The following TPX2 variants were observed in gnomAD, a reference collection of about 807,000 sequenced individuals.
TPX2 encodes TPX2 microtubule nucleation factor.
Under a neutral mutation model 93.6 loss-of-function variants are expected in TPX2, and 21 were observed. That is an observed-to-expected ratio of 0.22 (90% CI 0.16 to 0.32). TPX2 has a LOEUF of 0.32. TPX2 is among the 10% of genes least tolerant of loss of function. TPX2 has a pLI of 1.00. For missense variants in TPX2, 776 were observed against 871.1 expected, an observed-to-expected ratio of 0.89 and a Z score of 1.37; for synonymous variants, 281 against 298.3, an observed-to-expected ratio of 0.94 and a Z score of 0.60.
At chr20:31,761,744 G>A (rs899050119) in intron 4 of TPX2, among the ~76,000 whole-genome samples, 1 of 152,144 alleles carries the variant, frequency 6.6e-6, no homozygotes, top group African/African-American at 2.4e-5. Flanking sequence ...TCGATGTACT[G>A]ATTTCCTTCT....
Position 31,793,849 on chromosome 20 carries a change from A to G in TPX2, c.1511A>G (p.Glu504Gly). 6.4e-7 allele frequency: 1 copy of G among 1,572,692 alleles called. No homozygotes were observed. Among genetic ancestry groups the G allele is most frequent in the Non-Finnish European group, 8.6e-7 (1 of 1,161,180 alleles). Residue 504 changes from glutamate (E) to glycine (G), a missense_variant and splice_region_variant, in exon 14 of 18, where the codon GAA becomes GGA. Glu to Gly is a moderately conservative substitution (Grantham distance 98, BLOSUM62 -2). Coordinates refer to ENST00000300403, the MANE Select transcript of TPX2 (RefSeq NM_012112.5). Reference sequence around the variant, plus strand: ...TCTAAACTGCAATTTTTTCCCTAGGAAGAGGACGAACCGGTAGTGATAAAA... The same window carrying G: ...TCTAAACTGCAATTTTTTCCCTAGGGAGAGGACGAACCGGTAGTGATAAAA... ...RIRMPTKEDE[E>G]EDEPVVIKAQ... is the part of the protein sequence containing the mutation.
At position 31,801,495 on chromosome 20, in the gene TPX2, GAT is replaced by G. The variant is rs1414985604; in HGVS notation, c.*417_*418del. ...GAAAATAAAGATAGTTAAATCCTAA[GAT>G]AGAGATTAAGTCATGGTTTAAATGA... On this transcript the variant is annotated 3_prime_UTR_variant, in exon 18 of 18. Coordinates refer to ENST00000300403, the MANE Select transcript of TPX2 (RefSeq NM_012112.5). 6.4e-6 allele frequency: 1 copy of G among 156,532 alleles called. No individual in the cohort carries two copies. Among genetic ancestry groups the G allele is most frequent in the African/African-American group, 2.4e-5 (1 of 41,474 alleles). The allele number at this position is 156,532 out of a possible 1,614,324, so 9.7% of individuals were successfully genotyped here. A position where few individuals can be genotyped will look rare whatever the true frequency, so the allele number is the denominator to read the frequency against.
intron 10 of TPX2, 84 bp from the exon 11 acceptor site, chr20:31,782,165 C>T: frequency 6.6e-7 from 1 of 1,512,284 alleles, no homozygotes; most frequent in Non-Finnish European, 8.9e-7. Flanking sequence ...GTTTATCCCT[C>T]TCTGGGCTAC....
chr20:31,765,913 C>T (rs1250702814), intron 4 of TPX2, among the ~76,000 whole-genome samples: 2 of 152,118 alleles, frequency 1.3e-5, no homozygotes, highest in Non-Finnish European at 2.9e-5. Flanking sequence ...TTTGGGAGAG[C>T]ATTATTATTT....
intron 4 of TPX2, among the ~76,000 whole-genome samples, chr20:31,762,436 G>A (rs2061895666): frequency 1.3e-5 from 2 of 151,962 alleles, no homozygotes; most frequent in East Asian, 1.9e-4. Flanking sequence ...TGCAACCTCC[G>A]CCTCCCGGGT....
At chr20:31,792,584 G>A (rs1415812889) in intron 12 of TPX2, 151 bp from the exon 13 acceptor site, 1 of 693,098 alleles carries the variant, frequency 1.4e-6, no homozygotes, top group Non-Finnish European at 2.5e-6. Context: ...GGCCAAGGCA[G>A]GAAGATTGCC....
intron 2 of TPX2, among the ~76,000 whole-genome samples, chr20:31,751,166 AAAAG>A (rs1344415737): frequency 2.0e-5 from 3 of 152,108 alleles, no homozygotes; most frequent in Admixed American, 2.0e-4. Context: ...ACAGAGATGA[AAAAG>A]AAAGAAAAAA....
intron 14 of TPX2, 115 bp from the exon 15 acceptor site, chr20:31,794,287 C>T: frequency 7.2e-7 from 1 of 1,382,970 alleles, no homozygotes; most frequent in Non-Finnish European, 9.8e-7. Context: ...TTCATTCTTT[C>T]ATGCTGCTTT....
At chr20:31,787,665 G>T (rs1031319200) in intron 12 of TPX2, among the ~76,000 whole-genome samples, 3 of 152,274 alleles carry the variant, frequency 2.0e-5, no homozygotes, top group African/African-American at 4.8e-5. Context: ...GGGTAGGTAA[G>T]AGGCAAATGG....
chr20:31,798,613 C>G, intron 17 of TPX2, 61 bp downstream of exon 17: 2 of 1,491,906 alleles, frequency 1.3e-6, no homozygotes, highest in Non-Finnish European at 1.8e-6. Flanking sequence ...TTACCTGTAC[C>G]TTACCTTGTA....
chr20:31,774,685 T>C (rs1417256978), intron 7 of TPX2, among the ~76,000 whole-genome samples: 2 of 152,220 alleles, frequency 1.3e-5, no homozygotes, highest in Non-Finnish European at 2.9e-5. Context: ...TTTAGTCGGC[T>C]TTACTTCTGA....
Position 31,770,456 on chromosome 20 carries a change from C to T in TPX2, c.470C>T (p.Ser157Phe). Reference sequence around the variant, plus strand: ...GTAATCATCGATGAAATTCTACCCTCTAAGAAAATGAAAGTGTGAGTAGCC... The same window carrying T: ...GTAATCATCGATGAAATTCTACCCTTTAAGAAAATGAAAGTGTGAGTAGCC... ...TPVIIDEILP[S>F]KKMKVSNNKK... The change falls in exon 6 of 18, where the codon TCT (serine) becomes TTT (phenylalanine). Residue 157 changes from serine (S) to phenylalanine (F), a missense_variant. Transcript: ENST00000300403. 2 of 1,579,918 alleles carry T rather than the reference C, an allele frequency of 1.3e-6. No homozygotes were observed. The highest frequency in any genetic ancestry group is 1.7e-6 in the Non-Finnish European group (2 of 1,164,114).
Position 31,801,114 on chromosome 20 carries a change from T to C in TPX2, c.*34T>C. ...GTGAGCTGCGGATACCGCCCGGCAATGGGACCTGCTCTTAACCTCAAACCT... is the reference window on the plus strand; with the variant it reads ...GTGAGCTGCGGATACCGCCCGGCAACGGGACCTGCTCTTAACCTCAAACCT... On this transcript the variant is annotated 3_prime_UTR_variant, in exon 18 of 18. Transcript: ENST00000300403. 1.3e-6 allele frequency: 2 copies of C among 1,581,138 alleles called. No individual in the cohort carries two copies. The highest frequency in any genetic ancestry group is 1.7e-6 in the Non-Finnish European group (2 of 1,149,992).
chr20:31,768,221 A>C (rs1006872377), intron 5 of TPX2, among the ~76,000 whole-genome samples: 2 of 147,084 alleles, frequency 1.4e-5, no homozygotes, highest in Non-Finnish European at 3.0e-5. Flanking sequence ...GGCGTGAGCC[A>C]CCATGCCCGA....
At chr20:31,800,834 C>T in intron 17 of TPX2, 136 bp from the exon 18 acceptor site, 1 of 725,894 alleles carries the variant, frequency 1.4e-6, no homozygotes, top group Non-Finnish European at 2.4e-6. Context: ...CCCCAGGCCC[C>T]ACTCCCCACA....
chr20:31,766,353 A>G (rs1041403318), intron 4 of TPX2, among the ~76,000 whole-genome samples: 5 of 152,078 alleles, frequency 3.3e-5, no homozygotes, highest in African/African-American at 1.2e-4. Flanking sequence ...GCAAATAGGC[A>G]AGCCCTGGAT....
At chr20:31,756,816 G>A (rs1224988121) in intron 2 of TPX2, among the ~76,000 whole-genome samples, 1 of 151,944 alleles carries the variant, frequency 6.6e-6, no homozygotes, top group Non-Finnish European at 1.5e-5. Flanking sequence ...AAGTACAGAA[G>A]AGGTTTTGCC....
chr20:31,778,734 C>T, intron 9 of TPX2, 79 bp from the exon 10 acceptor site: 2 of 1,354,214 alleles, frequency 1.5e-6, no homozygotes, highest in South Asian at 1.6e-5. Flanking sequence ...TATTGATCCT[C>T]TGTGCCGAAT....
chr20:31,782,395 G>T lies in TPX2; in HGVS notation c.1196+5G>T. On this transcript the variant is annotated splice_donor_5th_base_variant and intron_variant, in intron 11 of 17. Coordinates refer to ENST00000300403, the MANE Select transcript of TPX2 (RefSeq NM_012112.5). ...GGAGCTCGAGAAATTGCAACAGTAAGTCCCACTGGCAGTATCTGAGGAAGA... is the reference window on the plus strand; with the variant it reads ...GGAGCTCGAGAAATTGCAACAGTAATTCCCACTGGCAGTATCTGAGGAAGA... 1 of 1,607,028 alleles carries T rather than the reference G, an allele frequency of 6.2e-7. No homozygotes were observed. The highest frequency in any genetic ancestry group is 8.5e-7 in the Non-Finnish European group (1 of 1,176,792).
Sources: allele counts gnomAD v4.1 joint callset (sites outside exome capture counted in the v4.1 genomes callset), GRCh38; gene constraint gnomAD v4.1.1; transcripts MANE v1.5; gene names NCBI Gene and HGNC (gene_info 2026-07-23, HGNC 2026-07-21).